Variants in CDC42BPA observed in about 807,000 individuals in gnomAD.
CDC42BPA encodes the protein serine/threonine-protein kinase MRCK alpha.
In CDC42BPA, 80 loss-of-function variants were observed where a neutral mutation model predicts 223.5. The observed-to-expected ratio is 0.36, with a 90% CI of 0.30 to 0.43. The LOEUF is 0.43. CDC42BPA is among the 20% of genes least tolerant of loss of function. The pLI is 1.00. For synonymous variants in CDC42BPA, 694 were observed against 718.6 expected (o/e 0.97, Z 0.55); for missense variants, 1,743 against 2,099.9 (o/e 0.83, Z 3.32).
intron 14 of CDC42BPA, among the ~76,000 whole-genome samples, chr1:227,110,409 T>C (rs1686721442): frequency 6.6e-6 from 1 of 152,138 alleles, no homozygotes; most frequent in African/African-American, 2.4e-5. Flanking sequence ...AGAGATGTGT[T>C]TGGCAAGTAG....
At chr1:227,001,680 G>T (rs1662878788) in intron 35 of CDC42BPA, among the ~76,000 whole-genome samples, 1 of 152,206 alleles carries the variant, frequency 6.6e-6, no homozygotes, top group African/African-American at 2.4e-5. Context: ...GCTGAGGCGG[G>T]CAGATTACCT....
chr1:227,060,294 C>G (rs1392766831), intron 21 of CDC42BPA, among the ~76,000 whole-genome samples: 1 of 152,086 alleles, frequency 6.6e-6, no homozygotes, highest in Non-Finnish European at 1.5e-5. Flanking sequence ...GCCTCCCAAT[C>G]AAAATATTTT....
At chr1:227,283,891 G>A (rs1688396267) in intron 1 of CDC42BPA, among the ~76,000 whole-genome samples, 1 of 152,042 alleles carries the variant, frequency 6.6e-6, no homozygotes, top group African/African-American at 2.4e-5. Flanking sequence ...TGCCATGTTG[G>A]CCGGGATTTT....
intron 17 of CDC42BPA, among the ~76,000 whole-genome samples, chr1:227,079,232 C>T (rs1680135858): frequency 6.6e-6 from 1 of 152,066 alleles, no homozygotes; most frequent in African/African-American, 2.4e-5. Flanking sequence ...GTGACTTCCT[C>T]GTATTTCTGA....
At chr1:227,067,988 A>C (rs1385471598) in intron 21 of CDC42BPA, among the ~76,000 whole-genome samples, 3 of 152,206 alleles carry the variant, frequency 2.0e-5, no homozygotes, top group Admixed American at 2.0e-4. Context: ...TAGTAAAGAG[A>C]ATGAATGATA....
intron 23 of CDC42BPA, among the ~76,000 whole-genome samples, chr1:227,042,297 G>GAGATAGATATATATATATAT (rs922408596): frequency 6.8e-6 from 1 of 147,608 alleles, no homozygotes; most frequent in Non-Finnish European, 1.5e-5. Context: ...ATACATATAT[G>GAGATAGATATATATATATAT]ATATATATAT....
At chr1:227,311,446 T>C (rs544691358) in intron 1 of CDC42BPA, among the ~76,000 whole-genome samples, 18 of 152,148 alleles carry the variant, frequency 1.2e-4, no homozygotes, top group African/African-American at 3.9e-4. Context: ...AAAAATCTGA[T>C]AGAACTAGCA....
At chr1:227,224,901 C>T (rs1442702843) in intron 2 of CDC42BPA, among the ~76,000 whole-genome samples, 1 of 152,086 alleles carries the variant, frequency 6.6e-6, no homozygotes, top group South Asian at 2.1e-4. Flanking sequence ...TTCACTCATG[C>T]TACAAATACA....
At chr1:227,073,814 T>C in intron 19 of CDC42BPA, 50 bp downstream of exon 19, 1 of 1,390,664 alleles carries the variant, frequency 7.2e-7, no homozygotes, top group African/African-American at 1.5e-5. Flanking sequence ...TCCAAATAAT[T>C]ATGACAAACT....
chr1:227,005,802 A>C (rs1334656370), intron 34 of CDC42BPA, among the ~76,000 whole-genome samples: 1 of 152,184 alleles, frequency 6.6e-6, no homozygotes, highest in Non-Finnish European at 1.5e-5. Context: ...CTCCTTATTG[A>C]TATTTCCATT....
At chr1:227,032,035 A>C (rs1669391418) in intron 27 of CDC42BPA, among the ~76,000 whole-genome samples, 1 of 152,214 alleles carries the variant, frequency 6.6e-6, no homozygotes, top group African/African-American at 2.4e-5. Context: ...GCCACACCAT[A>C]CTGACTTGTG....
intron 1 of CDC42BPA, among the ~76,000 whole-genome samples, chr1:227,299,925 T>C (rs1215001856): frequency 6.6e-6 from 1 of 152,218 alleles, no homozygotes; most frequent in East Asian, 1.9e-4. Flanking sequence ...GACGTCATTC[T>C]CGTCCTCTGA....
Position 227,134,919 on chromosome 1 carries a change from T to C in CDC42BPA, c.1390+4657A>G, listed in dbSNP as rs148724724. Among the ~76,000 whole-genome samples, 742 of 152,370 alleles carry C rather than the reference T, an allele frequency of 4.9e-3. 2 individuals carry two copies. The highest frequency in any genetic ancestry group is 0.015 in the South Asian group (73 of 4,828). Reference sequence around the variant, plus strand: ...GGTCACTGCTTTGTTTCTCCTGCCGTAGAAAGTAAAAATTCAATACATAAT... The same window carrying C: ...GGTCACTGCTTTGTTTCTCCTGCCGCAGAAAGTAAAAATTCAATACATAAT... On this transcript the variant is annotated intron_variant, in intron 10 of 36. Transcript: ENST00000366766.
At chr1:227,294,178 G>C (rs1056683503) in intron 1 of CDC42BPA, among the ~76,000 whole-genome samples, 2 of 150,956 alleles carry the variant, frequency 1.3e-5, no homozygotes, top group African/African-American at 4.9e-5. Context: ...AGGCTGAGGC[G>C]GGAGAATGGC....
chr1:227,043,317 G>T (rs1427104342), intron 23 of CDC42BPA, among the ~76,000 whole-genome samples: 2 of 151,534 alleles, frequency 1.3e-5, no homozygotes, highest in East Asian at 3.9e-4. Flanking sequence ...GGAGGCTGAG[G>T]CAGGAGAACT....
chr1:227,115,457 A>C (rs956161237), intron 12 of CDC42BPA, among the ~76,000 whole-genome samples: 2 of 152,030 alleles, frequency 1.3e-5, no homozygotes, highest in Non-Finnish European at 2.9e-5. Context: ...AAAATTGGTA[A>C]ACATCACTAT....
chr1:227,121,433 T>C (rs1688653955), intron 11 of CDC42BPA, among the ~76,000 whole-genome samples: 2 of 152,246 alleles, frequency 1.3e-5, no homozygotes, highest in Middle Eastern at 3.2e-3. Context: ...ATGCATTGTA[T>C]AGTTCTACAT....
chr1:227,255,534 T>A (rs1286177332), intron 1 of CDC42BPA, among the ~76,000 whole-genome samples: 1 of 152,126 alleles, frequency 6.6e-6, no homozygotes, highest in African/African-American at 2.4e-5. Context: ...ATGCCTGTAG[T>A]CCTTAGCTAC....
At chr1:227,189,018 T>C (rs746680091) in intron 5 of CDC42BPA, among the ~76,000 whole-genome samples, 12 of 152,030 alleles carry the variant, frequency 7.9e-5, no homozygotes, top group Non-Finnish European at 1.5e-4. Flanking sequence ...CTAAAACTGC[T>C]CTAAATAAGG....
Sources: gnomAD v4.1 joint callset for allele counts (sites outside exome capture counted in the v4.1 genomes callset) on GRCh38, gnomAD v4.1.1 for gene constraint, MANE v1.5 for transcripts, NCBI Gene and HGNC (gene_info 2026-07-23, HGNC 2026-07-21) for gene names.